The following CD1B variants were observed in gnomAD, a reference collection of about 807,000 sequenced individuals.
CD1B encodes T-cell surface glycoprotein CD1b.
Under a neutral mutation model 39.8 loss-of-function variants are expected in CD1B, and 43 were observed. That is an observed-to-expected ratio of 1.08 (90% confidence interval 0.85 to 1.39). The LOEUF (loss-of-function observed/expected upper bound fraction) is 1.39, where lower values mean the gene tolerates loss of function less well. CD1B is among the 40% of genes most tolerant of loss of function. The pLI, the probability that CD1B is intolerant of heterozygous loss-of-function variation, is 0.00. For missense variants in CD1B, 495 were observed against 403.8 expected (o/e 1.23, Z -1.94); for synonymous variants, 192 against 152.5 (o/e 1.26, Z -1.91).
the CD1B span, among the ~76,000 whole-genome samples, chr1:158,307,061 G>A: frequency 6.6e-6 from 1 of 152,094 alleles, no homozygotes; most frequent in Non-Finnish European, 1.5e-5. Flanking sequence ...GCTAGCAGAA[G>A]GCAAGAAATA....
the CD1B span, among the ~76,000 whole-genome samples, chr1:158,307,130 A>G: frequency 1.9e-4 from 29 of 152,334 alleles, no homozygotes; most frequent in Middle Eastern, 6.8e-3. Context: ...CAAAAAATCA[A>G]TGAATCCAGG....
the CD1B span, among the ~76,000 whole-genome samples, chr1:158,310,612 A>G: frequency 1.3e-5 from 2 of 152,150 alleles, no homozygotes; most frequent in South Asian, 4.1e-4. Context: ...ACTTAAATTA[A>G]CAAGCAAAAA....
chr1:158,321,803 A>G, the CD1B span, among the ~76,000 whole-genome samples: 2 of 152,162 alleles, frequency 1.3e-5, no homozygotes, highest in South Asian at 4.1e-4. Context: ...TGCAGGATGT[A>G]TAGGCTTATT....
At chr1:158,297,176 GA>G in the CD1B span, among the ~76,000 whole-genome samples, 112 of 152,094 alleles carry the variant, frequency 7.4e-4, 4 homozygotes, top group South Asian at 0.023. Flanking sequence ...CAATGTGAAA[GA>G]AAAAAATACT....
At chr1:158,318,139 G>C in the CD1B span, among the ~76,000 whole-genome samples, 1 of 152,288 alleles carries the variant, frequency 6.6e-6, no homozygotes, top group South Asian at 2.1e-4. Context: ...TGTATATTCT[G>C]TTGATTTGGG....
downstream of CD1B, among the ~76,000 whole-genome samples, chr1:158,326,609 A>G (rs1652361556): frequency 6.6e-6 from 1 of 152,136 alleles, no homozygotes; most frequent in South Asian, 2.1e-4. Context: ...GGATGTCATA[A>G]TGTAATTTCG....
chr1:158,293,618 T>C, the CD1B span: 1 of 1,589,542 alleles, frequency 6.3e-7, no homozygotes, highest in Non-Finnish European at 8.6e-7. Flanking sequence ...AAAAACCAAA[T>C]TCTAATTTGG....
downstream of CD1B, chr1:158,327,852 A>T (rs914114483): frequency 6.0e-6 from 1 of 167,558 alleles, no homozygotes; most frequent in African/African-American, 2.4e-5. Flanking sequence ...AAATACAGTG[A>T]TTCTGGCATA....
At chr1:158,302,142 C>A in the CD1B span, among the ~76,000 whole-genome samples, 1 of 152,200 alleles carries the variant, frequency 6.6e-6, no homozygotes, top group South Asian at 2.1e-4. Context: ...AAGAAGAGCT[C>A]TGAAAAACTA....
At chr1:158,321,260 C>T in the CD1B span, among the ~76,000 whole-genome samples, 1 of 152,014 alleles carries the variant, frequency 6.6e-6, no homozygotes, top group Non-Finnish European at 1.5e-5. Flanking sequence ...TTTTAATTAG[C>T]ATATTTGTCT....
chr1:158,328,206 T>C lies in CD1B; in HGVS notation c.*30A>G, dbSNP rs775502761. ...ATATCTTGGGCTTCTTGGTACTTAT[T>C]GCGAATGGGAGAGGAGACATGATGA... On this transcript the variant is annotated 3_prime_UTR_variant, in exon 6 of 6. Transcript: ENST00000368168. 6.3e-7 allele frequency: 1 copy of C among 1,590,596 alleles called. No homozygotes were observed. The highest frequency in any genetic ancestry group is 1.7e-5 in the Admixed American group (1 of 59,426).
the CD1B span, among the ~76,000 whole-genome samples, chr1:158,316,767 C>G: frequency 6.6e-6 from 1 of 151,654 alleles, no homozygotes; most frequent in African/African-American, 2.4e-5. Context: ...CAGTTTTTGC[C>G]CATTCAGTAT....
the CD1B span, among the ~76,000 whole-genome samples, chr1:158,297,857 C>A: frequency 2.0e-5 from 3 of 151,848 alleles, no homozygotes; most frequent in South Asian, 4.2e-4. Flanking sequence ...ATCACCCAAG[C>A]CTGGGGAGGT....
chr1:158,306,766 A>G, the CD1B span, among the ~76,000 whole-genome samples: 1 of 152,258 alleles, frequency 6.6e-6, no homozygotes, highest in African/African-American at 2.4e-5. Flanking sequence ...AGGATTCAGC[A>G]TAAAGAAATT....
In CD1B at chr1:158,331,397, T is replaced by C. The variant is rs1652599132; in HGVS notation, c.27A>G (p.Leu9=). 2 of 1,614,072 alleles carry C rather than the reference T, an allele frequency of 1.2e-6. No individual in the cohort carries two copies. Among genetic ancestry groups the C allele is most frequent in the Non-Finnish European group, 1.7e-6 (2 of 1,179,954 alleles). Residue 9 remains leucine (L), a synonymous_variant, in exon 1 of 6, where the codon TTA becomes TTG. Transcript: ENST00000368168. The stretch of plus-strand genomic sequence containing the variant: ...TGTTACCACCAGGAAAGAGAACAGC[T>C]AACAGTTGAAATGGCAGCAGCAGCA... MLLLPFQL[L]AVLFPGGNSE... is the part of the protein sequence containing the mutation.
the CD1B span, among the ~76,000 whole-genome samples, chr1:158,309,019 G>A: frequency 6.6e-6 from 1 of 152,244 alleles, no homozygotes; most frequent in Non-Finnish European, 1.5e-5. Context: ...CACAGCAAAA[G>A]AAACTACCAT....
chr1:158,318,579 C>T, the CD1B span, among the ~76,000 whole-genome samples: 5 of 152,134 alleles, frequency 3.3e-5, no homozygotes, highest in Non-Finnish European at 7.3e-5. Context: ...GATGGGTTTC[C>T]TGAATACAGC....
At chr1:158,316,595 G>A in the CD1B span, among the ~76,000 whole-genome samples, 1,454 of 150,652 alleles carry the variant, frequency 9.7e-3, 30 homozygotes, top group African/African-American at 0.031. Flanking sequence ...CAATCATGTC[G>A]TCTGCAAACA....
the CD1B span, among the ~76,000 whole-genome samples, chr1:158,316,475 T>C: frequency 3.4e-4 from 51 of 152,012 alleles, no homozygotes; most frequent in African/African-American, 1.2e-3. Context: ...TGTTGGTGTA[T>C]AAGAATGCTT....
Sources: gnomAD v4.1 joint callset for allele counts (sites outside exome capture counted in the v4.1 genomes callset) on GRCh38, gnomAD v4.1.1 for gene constraint, MANE v1.5 for transcripts, NCBI Gene and HGNC (gene_info 2026-07-23, HGNC 2026-07-21) for gene names.